The following GPC5 variants were observed in gnomAD, a reference collection of about 807,000 sequenced individuals.
GPC5 encodes glypican 5.
Under a neutral mutation model 53.9 loss-of-function variants are expected in GPC5, and 47 were observed. That is an observed-to-expected ratio of 0.87 (90% CI 0.69 to 1.11). The LOEUF (loss-of-function observed/expected upper bound fraction) is 1.11. Among genes scored for constraint, GPC5 ranks in the 50% most tolerant of loss-of-function variants. The pLI is 0.00. For synonymous variants in GPC5, 286 were observed against 263.3 expected (o/e 1.09, Z -0.84); for missense variants, 748 against 713.1 (o/e 1.05, Z -0.56).
At chr13:92,463,025 A>G (rs1056611758) in intron 7 of GPC5, among the ~76,000 whole-genome samples, 2 of 151,968 alleles carry the variant, frequency 1.3e-5, no homozygotes, top group Admixed American at 6.6e-5. Context: ...TTTTTTTCCT[A>G]TTTGCAGTGC....
chr13:92,313,816 C>G (rs2043161117), intron 7 of GPC5, among the ~76,000 whole-genome samples: 1 of 152,120 alleles, frequency 6.6e-6, no homozygotes. Flanking sequence ...GTTTAGACAC[C>G]TTTCTTTTAT....
intron 5 of GPC5, among the ~76,000 whole-genome samples, chr13:91,869,858 A>G (rs2039124737): frequency 6.6e-6 from 1 of 152,134 alleles, no homozygotes; most frequent in African/African-American, 2.4e-5. Flanking sequence ...CAAAGGGGGA[A>G]GTGCTACACA....
intron 6 of GPC5, among the ~76,000 whole-genome samples, chr13:91,932,288 C>A (rs2039829341): frequency 6.6e-6 from 1 of 152,050 alleles, no homozygotes; most frequent in South Asian, 2.1e-4. Context: ...GATGCATGGG[C>A]ATGTCCAAAA....
intron 7 of GPC5, among the ~76,000 whole-genome samples, chr13:92,775,628 C>T (rs1028026015): frequency 1.3e-5 from 2 of 152,152 alleles, no homozygotes; most frequent in African/African-American, 4.8e-5. Context: ...TACCTCCTTC[C>T]TCTCCTTTCC....
intron 6 of GPC5, among the ~76,000 whole-genome samples, chr13:92,132,769 A>C (rs565885649): frequency 1.3e-4 from 20 of 152,162 alleles, no homozygotes; most frequent in Admixed American, 3.3e-4. Context: ...TTAGGACATT[A>C]GCATATATTT....
intron 7 of GPC5, among the ~76,000 whole-genome samples, chr13:92,430,543 G>A (rs911856657): frequency 6.6e-6 from 1 of 152,070 alleles, no homozygotes; most frequent in Non-Finnish European, 1.5e-5. Context: ...GGGTGGGAGT[G>A]GGCCAGCATT....
chr13:92,548,204 G>T (rs988336449), intron 7 of GPC5, among the ~76,000 whole-genome samples: 1 of 151,732 alleles, frequency 6.6e-6, no homozygotes, highest in African/African-American at 2.4e-5. Flanking sequence ...CTATGTTCAG[G>T]CAAAGGACAC....
chr13:91,853,636 A>C (rs940814365), intron 5 of GPC5, among the ~76,000 whole-genome samples: 12 of 151,978 alleles, frequency 7.9e-5, no homozygotes, highest in Non-Finnish European at 1.6e-4. Context: ...CTTCTGAATG[A>C]TGAGTGTGCT....
intron 7 of GPC5, among the ~76,000 whole-genome samples, chr13:92,664,128 G>A (rs1886489744): frequency 6.6e-6 from 1 of 151,872 alleles, no homozygotes; most frequent in Non-Finnish European, 1.5e-5. Context: ...TTATAGAGTT[G>A]TAGCTGTTGC....
At chr13:91,568,189 C>G (rs9515941) in intron 2 of GPC5, among the ~76,000 whole-genome samples, 143,344 of 152,284 alleles carry the variant, frequency 0.94, 67,500 homozygotes, top group East Asian at 1. Flanking sequence ...GTTTATAGCA[C>G]TGTGAGAATG....
intron 7 of GPC5, among the ~76,000 whole-genome samples, chr13:92,532,226 G>A (rs1393816818): frequency 6.6e-6 from 1 of 152,112 alleles, no homozygotes; most frequent in Non-Finnish European, 1.5e-5. Flanking sequence ...CAGGGCTGCA[G>A]TTTAGCTCTT....
chr13:92,701,610 G>C (rs537222653), intron 7 of GPC5: 12 of 152,180 alleles, frequency 7.9e-5, no homozygotes, highest in African/African-American at 2.9e-4. Context: ...TTAGACATAA[G>C]AGCTATTAAG....
At chr13:91,971,579 T>G (rs1040466966) in intron 6 of GPC5, among the ~76,000 whole-genome samples, 21 of 152,148 alleles carry the variant, frequency 1.4e-4, no homozygotes, top group African/African-American at 4.8e-4. Context: ...TTTGGATCTT[T>G]CCTGCTTTCT....
chr13:92,297,153 T>G (rs1367439298), intron 7 of GPC5, among the ~76,000 whole-genome samples: 1 of 152,132 alleles, frequency 6.6e-6, no homozygotes, highest in Non-Finnish European at 1.5e-5. Context: ...ATGTGGAGAG[T>G]CTTTATATGT....
At chr13:92,251,689 A>G (rs1250192097) in intron 7 of GPC5, among the ~76,000 whole-genome samples, 4 of 152,130 alleles carry the variant, frequency 2.6e-5, no homozygotes, top group African/African-American at 4.8e-5. Context: ...CTGAATGACA[A>G]TGTCTTTTTC....
Position 91,934,236 on chromosome 13 carries a change from T to C in GPC5, c.1401+26179T>C, listed in dbSNP as rs192755864. ...GTTAAAAGAGAGGTTGGCAATGATTTAGAGGCAGAAGTTTTAAAAATAATT... is the reference window on the plus strand; with the variant it reads ...GTTAAAAGAGAGGTTGGCAATGATTCAGAGGCAGAAGTTTTAAAAATAATT... On this transcript the variant is annotated intron_variant, in intron 6 of 7. Transcript: ENST00000377067. Among the ~76,000 whole-genome samples the C allele has an allele frequency of 1.5e-3, 228 of 152,056 alleles. 1 individual carries two copies. The Middle Eastern group carries it at 0.054, about 36-fold the overall frequency.
chr13:92,431,372 G>A (rs989729412), intron 7 of GPC5, among the ~76,000 whole-genome samples: 2 of 142,586 alleles, frequency 1.4e-5, no homozygotes, highest in Admixed American at 7.1e-5. Flanking sequence ...GACTATATGT[G>A]AGACATTAAA....
At chr13:92,790,319 G>A (rs979976123) in intron 7 of GPC5, among the ~76,000 whole-genome samples, 1 of 152,096 alleles carries the variant, frequency 6.6e-6, no homozygotes, top group African/African-American at 2.4e-5. Flanking sequence ...CAGGTTTCTA[G>A]GAGTCAAAAG....
chr13:92,428,357 T>G (rs913294869), intron 7 of GPC5, among the ~76,000 whole-genome samples: 1 of 152,126 alleles, frequency 6.6e-6, no homozygotes, highest in African/African-American at 2.4e-5. Context: ...AAAGAGGTAG[T>G]ACCCTGTGTT....
Sources: allele counts gnomAD v4.1 joint callset (sites outside exome capture counted in the v4.1 genomes callset), GRCh38; gene constraint gnomAD v4.1.1; transcripts MANE v1.5; gene names NCBI Gene and HGNC (gene_info 2026-07-23, HGNC 2026-07-21).